The following PCID2 variants were observed in gnomAD, a reference collection of about 807,000 sequenced individuals.
The protein encoded by PCID2 is PCI domain containing 2.
A neutral mutation model predicts 61.3 loss-of-function variants in PCID2; 41 were observed. The observed-to-expected ratio is 0.67, with a 90% confidence interval of 0.52 to 0.87. The LOEUF (loss-of-function observed/expected upper bound fraction) is 0.87, where lower values mean the gene tolerates loss of function less well. Ranked by LOEUF, PCID2 falls within the 40% of genes least tolerant of loss-of-function variation. The pLI is 0.00. For missense variants in PCID2, 392 were observed against 493.4 expected (o/e 0.79, Z 1.95); for synonymous variants, 187 against 177.8 (o/e 1.05, Z -0.41).
At chr13:113,192,311 G>C (rs2038685340) in intron 6 of PCID2, among the ~76,000 whole-genome samples, 1 of 152,142 alleles carries the variant, frequency 6.6e-6, no homozygotes, top group South Asian at 2.1e-4. Flanking sequence ...TTAAATCTTG[G>C]TCCTTGAGCA....
At chr13:113,208,529 G>A in intron 1 of PCID2, 70 bp downstream of exon 1, 2 of 1,576,430 alleles carry the variant, frequency 1.3e-6, no homozygotes, top group South Asian at 1.2e-5. Flanking sequence ...GAGGGTCCAA[G>A]GCAGGAGGGG....
downstream of PCID2, among the ~76,000 whole-genome samples, chr13:113,176,141 C>T (rs1052218375): frequency 6.6e-6 from 1 of 152,250 alleles, no homozygotes; most frequent in African/African-American, 2.4e-5. Context: ...CAAAGTGAGT[C>T]CTGCGCCGCG....
At position 113,178,089 on chromosome 13, in the gene PCID2, C is replaced by CA; in HGVS notation, c.*108dup. On this transcript the variant is annotated 3_prime_UTR_variant, in exon 14 of 14. Transcript: ENST00000337344. ...TCAGCATCCCTGGGAAAAGCGCCTC[C>CA]AAGAGTTCCGGCTTCAGGGAGCCTT... 1.4e-6 allele frequency: 1 copy of CA among 691,592 alleles called. No homozygotes were observed. Among genetic ancestry groups the CA allele is most frequent in the Non-Finnish European group, 2.5e-6 (1 of 407,910 alleles). The allele number at this position is 691,592 out of a possible 1,614,324, so 42.8% of individuals were successfully genotyped here. A position where few individuals can be genotyped will look rare whatever the true frequency, so the allele number is the denominator to read the frequency against.
chr13:113,208,458 G>A (rs2040119001), intron 1 of PCID2, 141 bp downstream of exon 1: 1 of 1,524,574 alleles, frequency 6.6e-7, no homozygotes, highest in Non-Finnish European at 8.8e-7. Context: ...TTCGGCTCGC[G>A]CGGCTGCCCG....
chr13:113,208,599 C>G lies in PCID2; in HGVS notation c.36G>C (p.Gln12His). 1 of 1,606,634 alleles carries G rather than the reference C, an allele frequency of 6.2e-7. No homozygotes were observed. The highest frequency in any genetic ancestry group is 8.5e-7 in the Non-Finnish European group (1 of 1,177,116). The change falls in exon 1 of 14, where the codon CAG becomes CAC. Residue 12 changes from glutamine (Q) to histidine (H), a missense_variant and splice_region_variant. Coordinates refer to ENST00000337344, the MANE Select transcript of PCID2 (RefSeq NM_001127202.4). ...CGCGCGCTCCCCGGCTAGGACCCAC[C>G]TGCTGCAGGTACTGGTTAATGGTAA... ...AHITINQYLQ[Q>H]VYEAIDSRDG...
intron 7 of PCID2, among the ~76,000 whole-genome samples, chr13:113,188,972 GCCTC>G (rs2038364542): frequency 6.6e-6 from 1 of 152,216 alleles, no homozygotes; most frequent in Non-Finnish European, 1.5e-5. Flanking sequence ...GCCACATCAA[GCCTC>G]ATGTTAAAAC....
At chr13:113,182,929 A>G (rs1275168603) in intron 9 of PCID2, among the ~76,000 whole-genome samples, 2 of 152,242 alleles carry the variant, frequency 1.3e-5, no homozygotes, top group African/African-American at 4.8e-5. Context: ...AAATTAATAA[A>G]TTAATAAAAG....
chr13:113,197,042 C>T (rs1473811761), intron 4 of PCID2, 136 bp downstream of exon 4: 3 of 1,614,110 alleles, frequency 1.9e-6, no homozygotes, highest in South Asian at 2.2e-5. Flanking sequence ...CTGAAACGAG[C>T]TTCTGTTCCA....
chr13:113,181,716 C>G (rs1381548772), intron 9 of PCID2, among the ~76,000 whole-genome samples: 1 of 152,138 alleles, frequency 6.6e-6, no homozygotes, highest in East Asian at 1.9e-4. Flanking sequence ...TTTAAATGAC[C>G]ACATGCTTTA....
At chr13:113,208,484 G>A in intron 1 of PCID2, 115 bp downstream of exon 1, 7 of 1,540,950 alleles carry the variant, frequency 4.5e-6, no homozygotes, top group Non-Finnish European at 6.1e-6. Flanking sequence ...GACCCGAACG[G>A]AAGAAGGGTG....
At chr13:113,203,147 A>G (rs752165666) in intron 1 of PCID2, among the ~76,000 whole-genome samples, 56 of 152,254 alleles carry the variant, frequency 3.7e-4, no homozygotes, top group Middle Eastern at 3.2e-3. Flanking sequence ...ACAGAGCAGG[A>G]GAAGGGAGAG....
intron 7 of PCID2, chr13:113,187,179 C>T (rs1213041071): frequency 6.6e-6 from 1 of 152,188 alleles, no homozygotes; most frequent in Non-Finnish European, 1.5e-5. Context: ...AAACAAAACA[C>T]ACAAGTACTC....
chr13:113,178,936 C>T (rs1412351269), intron 13 of PCID2, 30 bp downstream of exon 13: 1 of 1,598,150 alleles, frequency 6.3e-7, no homozygotes, highest in African/African-American at 1.3e-5. Context: ...CTGTGAGTAG[C>T]TGCTTAAATT....
Position 113,179,836 on chromosome 13 carries a change from CTT to C in PCID2, c.986+79_986+80del. The stretch of plus-strand genomic sequence containing the variant: ...CCCCACCCACACGGTGGCCTTCTCT[CTT>C]AGACTGCAACAGCCCTGGATGTCTG... On this transcript the variant is annotated intron_variant, in intron 12 of 13. Transcript: ENST00000337344. This position sits in a 1 kb window ranked among gnomAD's most constrained non-coding sequence, Gnocchi z 4.3. The C allele has an allele frequency of 2.8e-6, 4 of 1,450,040 alleles. No homozygotes were observed. Among genetic ancestry groups the C allele is most frequent in the Non-Finnish European group, 3.8e-6 (4 of 1,060,532 alleles). The allele number at this position is 1,450,040 out of a possible 1,614,324, so 89.8% of individuals were successfully genotyped here. A position where few individuals can be genotyped will look rare whatever the true frequency, so the allele number is the denominator to read the frequency against.
intron 4 of PCID2, 58 bp from the exon 5 acceptor site, chr13:113,196,280 A>C: frequency 1.5e-6 from 2 of 1,297,900 alleles, no homozygotes; most frequent in Non-Finnish European, 2.2e-6. Context: ...GTACGATAAA[A>C]GTAAAGAATA....
downstream of PCID2, among the ~76,000 whole-genome samples, chr13:113,173,279 A>G (rs1181993712): frequency 6.6e-6 from 1 of 152,246 alleles, no homozygotes; most frequent in Non-Finnish European, 1.5e-5. Context: ...TACCAAAGAC[A>G]GAGCTGCAGT....
intron 7 of PCID2, 97 bp downstream of exon 7, chr13:113,190,775 A>G: frequency 1.7e-6 from 1 of 582,248 alleles, no homozygotes; most frequent in South Asian, 2.8e-5. Context: ...TAGAAATGAA[A>G]TATGTGTCAA....
the PCID2 span, chr13:113,171,559 G>T: frequency 6.2e-7 from 1 of 1,613,570 alleles, no homozygotes; most frequent in South Asian, 1.1e-5. The surrounding 1 kb of genome is among the most constrained non-coding windows in gnomAD (Gnocchi z 5.1). Context: ...TTGAAAATCA[G>T]ACTGTAAAGA....
chr13:113,173,104 C>A (rs1013268156), downstream of PCID2, among the ~76,000 whole-genome samples: 1 of 152,188 alleles, frequency 6.6e-6, no homozygotes. Context: ...TCAGCAGACA[C>A]CAAATCTGCC....
Sources: allele counts gnomAD v4.1 joint callset (sites outside exome capture counted in the v4.1 genomes callset), GRCh38; gene constraint gnomAD v4.1.1; non-coding constraint Gnocchi (gnomAD v3.1); transcripts MANE v1.5; gene names NCBI Gene and HGNC (gene_info 2026-07-23, HGNC 2026-07-21).